FKBP5: variants seen among roughly 807,000 people sequenced by gnomAD.
FKBP5 encodes FKBP prolyl isomerase 5, also known as peptidyl-prolyl cis-trans isomerase FKBP5.
Under a neutral mutation model 50.5 loss-of-function variants are expected in FKBP5, and 23 were observed. The observed-to-expected ratio is 0.46, with a 90% CI of 0.33 to 0.65. The LOEUF is 0.65. Ranked by LOEUF, FKBP5 falls within the 30% of genes least tolerant of loss-of-function variation. The pLI, the probability that FKBP5 is intolerant of heterozygous loss-of-function variation, is 0.02. For synonymous variants in FKBP5, 176 were observed against 190.6 expected, an observed-to-expected ratio of 0.92 and a Z score of 0.63; for missense variants, 411 against 553.1, an observed-to-expected ratio of 0.74 and a Z score of 2.58.
In FKBP5 at chr6:35,673,499, T is replaced by G. The variant is rs983045703; in HGVS notation, c.-20+15305A>C. 5.3e-5 allele frequency among the ~76,000 whole-genome samples: 8 copies of G among 151,892 alleles called. No homozygotes were observed. The East Asian group carries it at 1.5e-3, about 29-fold the overall frequency. On this transcript the variant is annotated intron_variant, in intron 1 of 10. Coordinates refer to ENST00000357266, the MANE Select transcript of FKBP5 (RefSeq NM_004117.4). Reference sequence around the variant, plus strand: ...TGGGAAGGAGCTTTGAGAGTGCCACTGCACTCCAGCCTGGGCAACAGAGCA... The same window carrying G: ...TGGGAAGGAGCTTTGAGAGTGCCACGGCACTCCAGCCTGGGCAACAGAGCA...
chr6:35,647,063 G>C (rs1023814552), intron 1 of FKBP5, among the ~76,000 whole-genome samples: 2 of 152,126 alleles, frequency 1.3e-5, no homozygotes, highest in Non-Finnish European at 2.9e-5. Context: ...ACTAACAGGA[G>C]AGTTTTCAGA....
At chr6:35,598,737 G>A (rs1299065398) in intron 5 of FKBP5, among the ~76,000 whole-genome samples, 3 of 151,922 alleles carry the variant, frequency 2.0e-5, no homozygotes, top group African/African-American at 4.8e-5. Flanking sequence ...TTGGGAGGCC[G>A]AGGCGGGTGG....
At chr6:35,717,251 T>C (rs918372325) in intron 2 of FKBP5, among the ~76,000 whole-genome samples, 4 of 152,098 alleles carry the variant, frequency 2.6e-5, no homozygotes, top group African/African-American at 9.7e-5. Flanking sequence ...TCCCCTACAG[T>C]GTCCTCAGCT....
intron 7 of FKBP5, among the ~76,000 whole-genome samples, chr6:35,589,058 A>ATG (rs1272435200): frequency 3.8e-4 from 55 of 143,388 alleles, no homozygotes; most frequent in African/African-American, 1.1e-3. Context: ...ATGTGTGTGT[A>ATG]TGTGTGTGTG....
intron 1 of FKBP5, among the ~76,000 whole-genome samples, chr6:35,723,883 T>C (rs1004288155): frequency 5.3e-5 from 8 of 152,236 alleles, no homozygotes; most frequent in South Asian, 2.1e-4. Context: ...TTTCCTCTCT[T>C]AGCTCAGGAG....
chr6:35,717,820 T>C (rs962724034), intron 2 of FKBP5, among the ~76,000 whole-genome samples: 1 of 152,212 alleles, frequency 6.6e-6, no homozygotes, highest in African/African-American at 2.4e-5. Flanking sequence ...CAGCCACCTT[T>C]GCCAGAAGTG....
intron 6 of FKBP5, among the ~76,000 whole-genome samples, chr6:35,594,258 G>C (rs1000718639): frequency 6.6e-5 from 10 of 151,958 alleles, no homozygotes; most frequent in Admixed American, 1.3e-4. Flanking sequence ...GGAGCTTGAG[G>C]TGGGAGGATC....
intron 3 of FKBP5, among the ~76,000 whole-genome samples, chr6:35,621,333 T>C (rs576325539): frequency 2.0e-5 from 3 of 152,246 alleles, no homozygotes; most frequent in South Asian, 4.2e-4. Context: ...AAGGCTAAAT[T>C]ACATTTTGGT....
intron 6 of FKBP5, among the ~76,000 whole-genome samples, chr6:35,594,098 A>G (rs1379435259): frequency 6.6e-6 from 1 of 152,044 alleles, no homozygotes. Flanking sequence ...TCACACCTGT[A>G]ATCCCAAGCA....
intron 9 of FKBP5, among the ~76,000 whole-genome samples, chr6:35,579,164 A>T (rs574576245): frequency 1.1e-4 from 16 of 148,118 alleles, no homozygotes; most frequent in Admixed American, 3.4e-4. Context: ...GCGCGCACAC[A>T]CTCTCTCTCT....
intron 3 of FKBP5, among the ~76,000 whole-genome samples, chr6:35,621,604 CA>C (rs1763844397): frequency 8.1e-6 from 1 of 124,062 alleles, no homozygotes. Flanking sequence ...GGCGACACAG[CA>C]AGACTCTGTC....
At chr6:35,620,885 C>A (rs1763811372) in intron 3 of FKBP5, among the ~76,000 whole-genome samples, 1 of 152,080 alleles carries the variant, frequency 6.6e-6, no homozygotes, top group African/African-American at 2.4e-5. Context: ...CCTAATTTAT[C>A]ATTTCAACTA....
intron 2 of FKBP5, among the ~76,000 whole-genome samples, chr6:35,698,277 G>A (rs2151017884): frequency 6.6e-6 from 1 of 152,160 alleles, no homozygotes; most frequent in Non-Finnish European, 1.5e-5. Context: ...GGGAGGTGAA[G>A]GTTGCAGGGA....
At chr6:35,606,251 C>T (rs936095084) in intron 5 of FKBP5, among the ~76,000 whole-genome samples, 12 of 151,976 alleles carry the variant, frequency 7.9e-5, no homozygotes, top group African/African-American at 2.7e-4. Flanking sequence ...GCAAAGGACA[C>T]GAAGAAGCAG....
chr6:35,655,619 AATG>A (rs777376959), intron 1 of FKBP5, among the ~76,000 whole-genome samples: 8 of 152,234 alleles, frequency 5.3e-5, no homozygotes, highest in Non-Finnish European at 1.2e-4. Flanking sequence ...GTACTCAATA[AATG>A]ATGAGATGAT....
intron 2 of FKBP5, among the ~76,000 whole-genome samples, chr6:35,713,452 C>A (rs1766451183): frequency 6.6e-6 from 1 of 152,206 alleles, no homozygotes; most frequent in African/African-American, 2.4e-5. Context: ...TAATCTCCAA[C>A]AACAACCTTA....
chr6:35,617,852 G>T (rs2150976528), intron 5 of FKBP5, among the ~76,000 whole-genome samples: 2 of 152,324 alleles, frequency 1.3e-5, no homozygotes, highest in East Asian at 3.9e-4. Flanking sequence ...GGGAAGAAGA[G>T]TTAGCTATCT....
chr6:35,648,618 A>G (rs1234582942), intron 1 of FKBP5, among the ~76,000 whole-genome samples: 2 of 152,090 alleles, frequency 1.3e-5, no homozygotes, highest in Non-Finnish European at 2.9e-5. Flanking sequence ...CATCAGCTAT[A>G]TTCAATATAT....
At chr6:35,724,613 C>CA (rs1274799252) in intron 1 of FKBP5, among the ~76,000 whole-genome samples, 7 of 151,938 alleles carry the variant, frequency 4.6e-5, no homozygotes, top group African/African-American at 1.5e-4. Context: ...TGTGATGGTT[C>CA]ACACCTGTAA....
Sources: gnomAD v4.1 joint callset for allele counts (sites outside exome capture counted in the v4.1 genomes callset) on GRCh38, gnomAD v4.1.1 for gene constraint, MANE v1.5 for transcripts, NCBI Gene and HGNC (gene_info 2026-07-23, HGNC 2026-07-21) for gene names.